PATJ: variants seen among roughly 807,000 people sequenced by gnomAD.
PATJ encodes the protein PATJ crumbs cell polarity complex component, also known as inaD-like protein.
PATJ carries 190 observed loss-of-function variants against 224.9 expected under a neutral mutation model. The ratio of observed to expected loss-of-function variants is 0.84; its 90% confidence interval spans 0.75 to 0.95. The LOEUF is 0.95. Among genes scored for constraint, PATJ ranks in the 40% least tolerant of loss-of-function variants. PATJ has a pLI of 0.00. For missense variants in PATJ, 2,121 were observed against 2,270.3 expected, an observed-to-expected ratio of 0.93 and a Z score of 1.34; for synonymous variants, 769 against 820.3, an observed-to-expected ratio of 0.94 and a Z score of 1.07.
At chr1:61,743,173 C>G (rs1644850654) in intron 1 of PATJ, among the ~76,000 whole-genome samples, 1 of 152,234 alleles carries the variant, frequency 6.6e-6, no homozygotes, top group Non-Finnish European at 1.5e-5. Flanking sequence ...CGGTCAGGCC[C>G]TGGGCTCTGC....
rs114344709 is a variant in PATJ, at chr1:62,078,164, G to C, written c.4126-1286G>C. ...TTCACTACCAGACTCTTCCAGCTGG[G>C]GATGGGTTCCCTGGCCAACTGCAGA... On this transcript the variant is annotated intron_variant, in intron 31 of 43. Transcript: ENST00000642238. Among the ~76,000 whole-genome samples the C allele has an allele frequency of 9.9e-3, 1,506 of 152,306 alleles. 25 individuals carry two copies. The highest frequency in any genetic ancestry group is 0.034 in the African/African-American group (1,407 of 41,568).
rs145732252 is a variant in PATJ, at chr1:61,797,371, C to T, written c.1345C>T (p.Leu449=). 1.2e-5 allele frequency: 19 copies of T among 1,613,918 alleles called. No homozygotes were observed. In the Middle Eastern group the frequency reaches 8.3e-4, roughly 70 times the overall value. ...RNAGQVVHLT[L]VRRKTSSSTS... is the part of the protein sequence containing the mutation. ...TGCAGGGCAGGTGGTACACCTAACC[C>T]TAGTTCGAAGGAAGACATCCTCATC... is the stretch of plus-strand genomic sequence containing the variant. Residue 449 remains leucine, a synonymous_variant, in exon 11 of 44, where the codon CTA becomes TTA. Transcript: ENST00000642238.
intron 1 of PATJ, among the ~76,000 whole-genome samples, chr1:61,755,232 C>A (rs1202195355): frequency 2.2e-4 from 33 of 151,100 alleles, no homozygotes; most frequent in Non-Finnish European, 4.0e-4. Flanking sequence ...TGGTGTGAAC[C>A]CAGGAGGTGG....
intron 17 of PATJ, chr1:61,846,153 A>C (rs1002353198): frequency 6.6e-6 from 1 of 152,218 alleles, no homozygotes; most frequent in Non-Finnish European, 1.5e-5. Context: ...TACTGTGAGA[A>C]TTATGATGGA....
rs1048402069 is a variant in PATJ, at chr1:62,117,052, G to T, written c.4804-80G>T. 14 of 1,153,206 alleles carry T rather than the reference G, an allele frequency of 1.2e-5. No homozygotes were observed. In the Admixed American group the frequency reaches 2.4e-4, roughly 20 times the overall value. 71.4% of individuals were successfully genotyped at this position (1,153,206 alleles called of 1,614,324 possible). ...CATTACCCTTTTATAATTTGTGGCT[G>T]CAGGGAGAGGCTCTGTTAAGATATT... On this transcript the variant is annotated intron_variant, in intron 36 of 43. Coordinates refer to ENST00000642238, the MANE Select transcript of PATJ (RefSeq NM_001350145.3).
chr1:61,935,355 G>A (rs1303055590), intron 27 of PATJ, among the ~76,000 whole-genome samples: 5 of 152,106 alleles, frequency 3.3e-5, no homozygotes, highest in Admixed American at 2.0e-4. Flanking sequence ...AGAAAAGCAC[G>A]CTGTCATAGG....
At chr1:62,115,923 A>G (rs1256436919) in intron 35 of PATJ, among the ~76,000 whole-genome samples, 2 of 152,102 alleles carry the variant, frequency 1.3e-5, no homozygotes, top group African/African-American at 2.4e-5. Flanking sequence ...ATGCATTACC[A>G]AACAAAAAAA....
intron 21 of PATJ, among the ~76,000 whole-genome samples, chr1:61,876,979 A>T (rs571996507): frequency 6.6e-6 from 1 of 152,340 alleles, no homozygotes; most frequent in South Asian, 2.1e-4. Context: ...ACTTAGTGTT[A>T]CAAGATTTTG....
chr1:62,067,582 A>G (rs1484043872), intron 31 of PATJ, among the ~76,000 whole-genome samples: 1 of 152,194 alleles, frequency 6.6e-6, no homozygotes, highest in Non-Finnish European at 1.5e-5. Flanking sequence ...TATGGCCTAC[A>G]TGCAGGAATG....
At chr1:62,139,379 G>A (rs1430854751) in intron 41 of PATJ, among the ~76,000 whole-genome samples, 1 of 137,748 alleles carries the variant, frequency 7.3e-6, no homozygotes, top group Non-Finnish European at 1.5e-5. Context: ...CAGCCTGGGC[G>A]ACACAGCGAG....
chr1:62,157,637 C>T (rs1458876240), intron 43 of PATJ, among the ~76,000 whole-genome samples: 3 of 148,154 alleles, frequency 2.0e-5, no homozygotes, highest in Non-Finnish European at 4.5e-5. Flanking sequence ...TAAAGACCAG[C>T]CTGGCCAACA....
intron 29 of PATJ, among the ~76,000 whole-genome samples, chr1:62,025,088 T>G (rs188486860): frequency 2.1e-4 from 32 of 152,318 alleles, no homozygotes; most frequent in Admixed American, 2.0e-3. Flanking sequence ...TTTTTATTGC[T>G]TACTGTCAAA....
At position 61,771,421 on chromosome 1, in the gene PATJ, C is replaced by CATG; in HGVS notation, c.525-7_525-5dup. The CATG allele has an allele frequency of 5.2e-6, 8 of 1,531,506 alleles. No individual in the cohort carries two copies. The highest frequency in any genetic ancestry group is 7.0e-6 in the Non-Finnish European group (8 of 1,141,588). 94.9% of individuals were successfully genotyped at this position (1,531,506 alleles called of 1,614,324 possible). ...ATCACTTAAAAAATTTCTTTTCTTACATGATTAAGGGATCAAAGATTAAAG... is the reference window on the plus strand; with the variant it reads ...ATCACTTAAAAAATTTCTTTTCTTACATGATGATTAAGGGATCAAAGATTAAAG... On this transcript the variant is annotated splice_polypyrimidine_tract_variant and intron_variant, in intron 5 of 43. Coordinates refer to ENST00000642238, the MANE Select transcript of PATJ (RefSeq NM_001350145.3).
intron 31 of PATJ, among the ~76,000 whole-genome samples, chr1:62,068,712 T>C (rs1258392488): frequency 2.0e-5 from 3 of 152,218 alleles, no homozygotes; most frequent in Admixed American, 6.5e-5. Context: ...ATATTGCCAG[T>C]GTTGCCTTTT....
chr1:62,059,616 CAA>C (rs536875774), intron 31 of PATJ, among the ~76,000 whole-genome samples: 2 of 134,082 alleles, frequency 1.5e-5, no homozygotes, highest in Non-Finnish European at 1.6e-5. Context: ...GACTCCATCT[CAA>C]AAAAAAAAAG....
intron 11 of PATJ, among the ~76,000 whole-genome samples, chr1:61,797,663 T>A (rs1651627532): frequency 6.6e-6 from 1 of 152,230 alleles, no homozygotes; most frequent in African/African-American, 2.4e-5. Context: ...AGAGCATCTC[T>A]AAATGGAGTT....
intron 22 of PATJ, among the ~76,000 whole-genome samples, chr1:61,886,003 A>G (rs2149084317): frequency 6.6e-6 from 1 of 151,748 alleles, no homozygotes; most frequent in Admixed American, 6.6e-5. Flanking sequence ...CAGGAAGAGG[A>G]ACATCACACT....
chr1:61,997,815 G>T (rs1569840883), intron 28 of PATJ, among the ~76,000 whole-genome samples: 1 of 85,486 alleles, frequency 1.2e-5, no homozygotes. Flanking sequence ...GTTTTGTTTT[G>T]TTTTGTTTTA....
chr1:62,061,937 G>A (rs1222115710), intron 31 of PATJ, among the ~76,000 whole-genome samples: 2 of 152,182 alleles, frequency 1.3e-5, no homozygotes, highest in Admixed American at 6.5e-5. Flanking sequence ...GGGATTACAG[G>A]CGTGAGCCAC....
Sources: gnomAD v4.1 joint callset for allele counts (sites outside exome capture counted in the v4.1 genomes callset) on GRCh38, gnomAD v4.1.1 for gene constraint, MANE v1.5 for transcripts, NCBI Gene and HGNC (gene_info 2026-07-23, HGNC 2026-07-21) for gene names.